The following DZIP3 variants were observed in gnomAD, a reference collection of about 807,000 sequenced individuals.
The protein encoded by DZIP3 is E3 ubiquitin-protein ligase DZIP3.
In DZIP3, 118 loss-of-function variants were observed where a neutral mutation model predicts 162.0. That is an observed-to-expected ratio of 0.73 (90% CI 0.63 to 0.85). DZIP3 has a LOEUF of 0.85. Among genes scored for constraint, DZIP3 ranks in the 40% least tolerant of loss-of-function variants. The pLI is 0.00. For synonymous variants in DZIP3, 438 were observed against 458.6 expected (o/e 0.96, Z 0.57); for missense variants, 1,331 against 1,407.0 (o/e 0.95, Z 0.86).
chr3:108,688,180 G>A (rs2107434771), intron 29 of DZIP3, 84 bp downstream of exon 29: 6 of 1,485,170 alleles, frequency 4.0e-6, no homozygotes, highest in Admixed American at 4.2e-5. Context: ...TCCATAACCT[G>A]TTCAGAAAAT....
intron 17 of DZIP3, among the ~76,000 whole-genome samples, chr3:108,650,561 G>T (rs1179890378): frequency 6.6e-6 from 1 of 151,560 alleles, no homozygotes; most frequent in African/African-American, 2.4e-5. Context: ...TTGGTATGTT[G>T]CCTTTATAGT....
At chr3:108,677,249 T>A (rs1227950745) in intron 25 of DZIP3, among the ~76,000 whole-genome samples, 2 of 152,050 alleles carry the variant, frequency 1.3e-5, no homozygotes, top group African/African-American at 4.8e-5. Flanking sequence ...ATCACAAGAA[T>A]CTGTGAATTA....
intron 2 of DZIP3, among the ~76,000 whole-genome samples, chr3:108,606,268 C>T (rs891974617): frequency 6.6e-6 from 1 of 152,176 alleles, no homozygotes; most frequent in African/African-American, 2.4e-5. Context: ...CCAAGCAGGG[C>T]AAGTTCAGCC....
chr3:108,640,593 ACACCACCACACC>A (rs1318602443), intron 12 of DZIP3, among the ~76,000 whole-genome samples: 2 of 151,722 alleles, frequency 1.3e-5, no homozygotes, highest in Non-Finnish European at 2.9e-5. Context: ...CTACAGGTGC[ACACCACCACACC>A]CAGCTAATTT....
At chr3:108,638,183 C>G (rs1381559547) in intron 12 of DZIP3, among the ~76,000 whole-genome samples, 1 of 152,130 alleles carries the variant, frequency 6.6e-6, no homozygotes, top group Non-Finnish European at 1.5e-5. Flanking sequence ...CCTTATATAC[C>G]TACCTGCATA....
chr3:108,638,073 T>C (rs1942237882), intron 12 of DZIP3, among the ~76,000 whole-genome samples: 1 of 152,184 alleles, frequency 6.6e-6, no homozygotes, highest in Non-Finnish European at 1.5e-5. Flanking sequence ...TTCAATCTAG[T>C]AGGGACATTG....
chr3:108,591,529 C>T (rs1023333747), intron 1 of DZIP3, among the ~76,000 whole-genome samples: 1 of 152,202 alleles, frequency 6.6e-6, no homozygotes, highest in Non-Finnish European at 1.5e-5. Flanking sequence ...GTATTCTCTT[C>T]TGTAATTAAT....
chr3:108,648,172 C>A, intron 16 of DZIP3, 60 bp downstream of exon 16: 1 of 1,466,452 alleles, frequency 6.8e-7, no homozygotes, highest in South Asian at 1.4e-5. Flanking sequence ...TAATTTGTTG[C>A]ATGTGCTGTA....
At position 108,648,126 on chromosome 3, in the gene DZIP3, T is replaced by C. The variant is rs1319877333; in HGVS notation, c.1962+14T>C. 6.3e-7 allele frequency: 1 copy of C among 1,582,814 alleles called. No homozygotes were observed. The highest frequency in any genetic ancestry group is 8.6e-7 in the Non-Finnish European group (1 of 1,169,546). ...GATCTCCAGGAAGTATAAGCTCTCA[T>C]TAATATTTGAGTTAGAAGAACTTAT... On this transcript the variant is annotated intron_variant, in intron 16 of 32. Transcript: ENST00000361582.
At chr3:108,619,417 AT>A (rs1391819287) in intron 5 of DZIP3, among the ~76,000 whole-genome samples, 1 of 151,958 alleles carries the variant, frequency 6.6e-6, no homozygotes, top group African/African-American at 2.4e-5. Context: ...ATTATGAGGA[AT>A]TGCCTCATGT....
chr3:108,684,271 T>G lies in DZIP3; in HGVS notation c.2939T>G (p.Leu980Arg). Residue 980 changes from leucine (L) to arginine (R), a missense_variant, in exon 27 of 33, where the codon CTT becomes CGT. By Grantham distance (102) the Leu-to-Arg change is moderately radical. Around this residue, in one of 2 missense-constraint regions of DZIP3, gnomAD observed 1,278 missense variants for 1,317.1 expected, o/e 0.97. Transcript: ENST00000361582. ...AAAGAATCTTTCTTTAGACCCATACTTACTGTTCCTCAAATGCCTGCAGTT... is the reference window on the plus strand; with the variant it reads ...AAAGAATCTTTCTTTAGACCCATACGTACTGTTCCTCAAATGCCTGCAGTT... ...LVKESFFRPI[L>R]TVPQMPAVCP... The G allele has an allele frequency of 6.2e-7, 1 of 1,613,564 alleles. No homozygotes were observed. Among genetic ancestry groups the G allele is most frequent in the Non-Finnish European group, 8.5e-7 (1 of 1,179,664 alleles).
At chr3:108,665,668 A>G (rs1943638371) in intron 21 of DZIP3, among the ~76,000 whole-genome samples, 1 of 152,196 alleles carries the variant, frequency 6.6e-6, no homozygotes, top group Admixed American at 6.5e-5. Context: ...GACACATCAT[A>G]ACTTAACTTC....
chr3:108,681,219 A>G (rs1419271306), intron 26 of DZIP3, among the ~76,000 whole-genome samples: 1 of 152,196 alleles, frequency 6.6e-6, no homozygotes, highest in Admixed American at 6.5e-5. Flanking sequence ...TCTACAAAGA[A>G]CTTAAACAAA....
chr3:108,651,789 G>A (rs1250186667), intron 18 of DZIP3, among the ~76,000 whole-genome samples: 1 of 151,686 alleles, frequency 6.6e-6, no homozygotes, highest in Non-Finnish European at 1.5e-5. Context: ...AGGAAGGGGT[G>A]GAGACAGTCT....
At chr3:108,601,162 A>T (rs1370319923) in intron 1 of DZIP3, among the ~76,000 whole-genome samples, 1 of 152,082 alleles carries the variant, frequency 6.6e-6, no homozygotes, top group Non-Finnish European at 1.5e-5. Flanking sequence ...CATTTAGCTG[A>T]ATGTTTCTCA....
intron 13 of DZIP3, 123 bp from the exon 14 acceptor site, chr3:108,644,041 G>C: frequency 8.0e-7 from 1 of 1,245,810 alleles, no homozygotes; most frequent in Middle Eastern, 2.9e-4. Flanking sequence ...GCAAAGCACT[G>C]TACTATCCTT....
rs193120603 is a variant in DZIP3, at chr3:108,608,211, A to G, written c.102+53A>G. 1.2e-5 allele frequency: 16 copies of G among 1,384,050 alleles called. No homozygotes were observed. The Admixed American group carries it at 1.2e-4, about 10-fold the overall frequency. 85.7% of individuals were successfully genotyped at this position (1,384,050 alleles called of 1,614,324 possible). ...TGTTAGTTAATTGATAATTAATTAT[A>G]TATGCAAATGCAGTAATACATCTAG... On this transcript the variant is annotated intron_variant, in intron 3 of 32. Transcript: ENST00000361582.
chr3:108,623,577 C>T (rs1941465425), intron 5 of DZIP3, among the ~76,000 whole-genome samples: 1 of 152,166 alleles, frequency 6.6e-6, no homozygotes, highest in Admixed American at 6.5e-5. Context: ...GGTGTCTCTC[C>T]CAGACGTGTG....
At chr3:108,593,908 G>C (rs1041704028) in intron 1 of DZIP3, among the ~76,000 whole-genome samples, 10 of 151,860 alleles carry the variant, frequency 6.6e-5, no homozygotes, top group African/African-American at 2.4e-4. Flanking sequence ...CGAGTGATCC[G>C]CTCGCCTCAG....
Sources: allele counts gnomAD v4.1 joint callset (sites outside exome capture counted in the v4.1 genomes callset), GRCh38; gene constraint gnomAD v4.1.1; regional missense constraint gnomAD v4.1.1; transcripts MANE v1.5; gene names NCBI Gene and HGNC (gene_info 2026-07-23, HGNC 2026-07-21).